KAZN: variants seen among roughly 807,000 people sequenced by gnomAD.
The protein encoded by KAZN is kazrin.
KAZN carries 40 observed loss-of-function variants against 87.4 expected under a neutral mutation model. The observed-to-expected ratio is 0.46, with a 90% CI of 0.36 to 0.60. The LOEUF (loss-of-function observed/expected upper bound fraction) is 0.60. Among genes scored for constraint, KAZN ranks in the 20% least tolerant of loss-of-function variants. The probability of loss-of-function intolerance (pLI) is 0.00; values close to 1 mark genes in which losing one functional copy is unlikely to be tolerated. For synonymous variants in KAZN, 466 were observed against 458.3 expected (o/e 1.02, Z -0.22); for missense variants, 898 against 1,073.9 (o/e 0.84, Z 2.29).
At chr1:14,888,525 C>T (rs1654363373) in intron 1 of KAZN, among the ~76,000 whole-genome samples, 1 of 152,164 alleles carries the variant, frequency 6.6e-6, no homozygotes, top group African/African-American at 2.4e-5. Flanking sequence ...CCACTTCGAC[C>T]AGATTTTACC....
At chr1:14,937,572 G>A (rs561750107) in intron 1 of KAZN, among the ~76,000 whole-genome samples, 2 of 152,176 alleles carry the variant, frequency 1.3e-5, no homozygotes, top group Non-Finnish European at 2.9e-5. Context: ...CTGAGTATGG[G>A]GCCTGGGTGG....
At chr1:14,350,409 G>T (rs958708352) in intron 2 of KAZN, among the ~76,000 whole-genome samples, 5 of 152,318 alleles carry the variant, frequency 3.3e-5, no homozygotes, top group East Asian at 1.9e-4. Flanking sequence ...CACAGAGCCT[G>T]GTTCCTCATT....
At chr1:14,793,954 C>G (rs1269197331) in intron 1 of KAZN, among the ~76,000 whole-genome samples, 1 of 152,212 alleles carries the variant, frequency 6.6e-6, no homozygotes, top group African/African-American at 2.4e-5. Flanking sequence ...CAGCCTCCAC[C>G]TGAGGAAATT....
intron 1 of KAZN, among the ~76,000 whole-genome samples, chr1:14,946,897 T>C (rs1200793731): frequency 1.3e-5 from 2 of 152,196 alleles, no homozygotes; most frequent in African/African-American, 4.8e-5. Context: ...TTTGATTGTC[T>C]ATAATATGGA....
At chr1:14,062,909 C>A (rs1642852321) in intron 1 of KAZN, among the ~76,000 whole-genome samples, 1 of 152,040 alleles carries the variant, frequency 6.6e-6, no homozygotes, top group Admixed American at 6.6e-5. Flanking sequence ...GGAGGGTGAG[C>A]AATTAGAAGT....
chr1:14,302,285 T>A (rs1245042520), intron 2 of KAZN, among the ~76,000 whole-genome samples: 1 of 152,238 alleles, frequency 6.6e-6, no homozygotes, highest in Non-Finnish European at 1.5e-5. Context: ...ATAATGAAGT[T>A]GTCACTTTTT....
intron 2 of KAZN, among the ~76,000 whole-genome samples, chr1:14,384,192 T>G (rs1200021521): frequency 6.6e-6 from 1 of 150,980 alleles, no homozygotes; most frequent in African/African-American, 2.5e-5. Flanking sequence ...CTGAAGTTGC[T>G]TATCAGCTTA....
chr1:14,402,340 T>C (rs1663487076), intron 2 of KAZN, among the ~76,000 whole-genome samples: 1 of 152,130 alleles, frequency 6.6e-6, no homozygotes, highest in Admixed American at 6.5e-5. Context: ...ATTGAGTTCT[T>C]ACCAGCGTTC....
intron 1 of KAZN, among the ~76,000 whole-genome samples, chr1:14,852,796 T>C (rs1649616806): frequency 6.6e-6 from 1 of 152,230 alleles, no homozygotes; most frequent in Non-Finnish European, 1.5e-5. Context: ...GCTTTTATTG[T>C]GTGTCCTTGC....
chr1:13,974,601 C>A (rs1253741003), intron 1 of KAZN, among the ~76,000 whole-genome samples: 2 of 152,080 alleles, frequency 1.3e-5, no homozygotes, highest in Non-Finnish European at 2.9e-5. Flanking sequence ...ACAATGTGAC[C>A]ATGGAGGCTG....
chr1:14,047,502 C>T (rs768849047), intron 1 of KAZN, among the ~76,000 whole-genome samples: 9 of 152,176 alleles, frequency 5.9e-5, no homozygotes, highest in Non-Finnish European at 1.2e-4. Flanking sequence ...AACAAACAAC[C>T]CTTCTTCTAC....
chr1:14,178,035 G>T (rs548165672), intron 1 of KAZN, among the ~76,000 whole-genome samples: 1 of 152,040 alleles, frequency 6.6e-6, no homozygotes, highest in Non-Finnish European at 1.5e-5. Context: ...AATCATGGGG[G>T]CGGTTACCTC....
chr1:14,124,886 G>A (rs767637279), intron 1 of KAZN, among the ~76,000 whole-genome samples: 7 of 152,186 alleles, frequency 4.6e-5, no homozygotes, highest in Non-Finnish European at 7.3e-5. Context: ...GTCTCCTGTC[G>A]GGGGCAGCAC....
At chr1:15,110,522 T>TGC (rs1404306713) in intron 13 of KAZN, among the ~76,000 whole-genome samples, 3 of 137,868 alleles carry the variant, frequency 2.2e-5, no homozygotes, top group Admixed American at 1.5e-4. Context: ...TGTTTGTGTG[T>TGC]ATGTGTTTGT....
intron 1 of KAZN, among the ~76,000 whole-genome samples, chr1:14,116,265 C>T (rs774841929): frequency 1.3e-5 from 2 of 152,006 alleles, no homozygotes; most frequent in Non-Finnish European, 2.9e-5. Context: ...TCTCCCATCA[C>T]AGGCCCAGAG....
rs1668958755 is a variant in KAZN at position 15,005,921 on chromosome 1, C to T, written c.419-28828C>T. On this transcript the variant is annotated intron_variant, in intron 2 of 14. Coordinates refer to ENST00000376030, the MANE Select transcript of KAZN (RefSeq NM_201628.3). ...CTCAGCGGGCCGCAGTGGCACTTAA[C>T]AGTTTTGTTTCCCGTGTGCCTTACC... Among the ~76,000 whole-genome samples the T allele has an allele frequency of 2.6e-5, 4 of 152,290 alleles. No individual in the cohort carries two copies. The South Asian group carries it at 8.3e-4, about 32-fold the overall frequency.
chr1:14,676,035 GT>G (rs1222578633), intron 1 of KAZN, among the ~76,000 whole-genome samples: 2 of 151,836 alleles, frequency 1.3e-5, no homozygotes, highest in South Asian at 2.1e-4. Context: ...GACCGGACGT[GT>G]TGGGAATGAA....
chr1:14,428,480 T>C (rs1665866447), intron 2 of KAZN, among the ~76,000 whole-genome samples: 1 of 152,240 alleles, frequency 6.6e-6, no homozygotes, highest in African/African-American at 2.4e-5. Flanking sequence ...AATAATTCAT[T>C]ATACTGAGCT....
chr1:15,045,439 A>G (rs1673368715), intron 4 of KAZN, among the ~76,000 whole-genome samples: 1 of 152,220 alleles, frequency 6.6e-6, no homozygotes, highest in Non-Finnish European at 1.5e-5. Flanking sequence ...TAAACAACGC[A>G]GGGCTTAGGG....
Sources: gnomAD v4.1 joint callset for allele counts (sites outside exome capture counted in the v4.1 genomes callset) on GRCh38, gnomAD v4.1.1 for gene constraint, MANE v1.5 for transcripts, NCBI Gene and HGNC (gene_info 2026-07-23, HGNC 2026-07-21) for gene names.